The following HAUS3 variants were observed in gnomAD, a reference collection of about 807,000 sequenced individuals.
HAUS3 encodes HAUS augmin-like complex subunit 3.
In HAUS3, 36 loss-of-function variants were observed where a neutral mutation model predicts 55.2. That is an observed-to-expected ratio of 0.65 (90% CI 0.50 to 0.86). The LOEUF (loss-of-function observed/expected upper bound fraction) is 0.86. Ranked by LOEUF, HAUS3 falls within the 40% of genes least tolerant of loss-of-function variation. The pLI is 0.00. For missense variants in HAUS3, 752 were observed against 671.5 expected (o/e 1.12, Z -1.33); for synonymous variants, 234 against 238.6 (o/e 0.98, Z 0.18).
rs747058117 is a variant in HAUS3 at position 2,240,656 on chromosome 4, T to G, written c.291A>C (p.Lys97Asn). The G allele has an allele frequency of 1.2e-6, 2 of 1,613,968 alleles. No homozygotes were observed. The highest frequency in any genetic ancestry group is 1.7e-6 in the Non-Finnish European group (2 of 1,180,000). Residue 97 changes from lysine to asparagine, a missense_variant, in exon 3 of 6, where the codon AAA becomes AAC. Physicochemically the swap from Lys to Asn is moderately conservative, Grantham distance 94 (BLOSUM62 0). Transcript: ENST00000443786. ...CCTCATCCTCTAATTTCTCCAGCTC[T>G]TTATCATCCAGTCTAGGTGTCTTCA... Reference protein sequence around the residue: ...SDLKTPRLDDKELEKLEDEVQ... With the variant: ...SDLKTPRLDDNELEKLEDEVQ...
At position 2,240,480 on chromosome 4, in the gene HAUS3, T is replaced by C. The variant is rs762516482; in HGVS notation, c.467A>G (p.Asn156Ser). ...KKLKQSQGIL[N>S]AMITKISNEL... Reference sequence around the variant, plus strand: ...ATTACTGATCTTAGTGATCATTGCATTTAGAATTCCTTGACTCTGCTTCAG... The same window carrying C: ...ATTACTGATCTTAGTGATCATTGCACTTAGAATTCCTTGACTCTGCTTCAG... Residue 156 changes from asparagine (N) to serine (S), a missense_variant, in exon 3 of 6, where the codon AAT becomes AGT. Coordinates refer to ENST00000443786, the MANE Select transcript of HAUS3 (RefSeq NM_001303143.2). 5.6e-6 allele frequency: 9 copies of C among 1,613,770 alleles called. No homozygotes were observed. In the Admixed American group the frequency reaches 1.0e-4, roughly 18 times the overall value.
chr4:2,241,809 A>G lies in HAUS3; in HGVS notation c.-418-19T>C. On this transcript the variant is annotated intron_variant, in intron 1 of 5. Transcript: ENST00000443786. ...AAGCACGCTGACAAAACAAACGCAC[A>G]AGCCCACCGAATCGCCGTCGACACC... 1.0e-6 allele frequency: 1 copy of G among 985,406 alleles called. No homozygotes were observed. The highest frequency in any genetic ancestry group is 1.2e-6 in the Non-Finnish European group (1 of 829,936). 61.0% of individuals were successfully genotyped at this position (985,406 alleles called of 1,614,324 possible).
In HAUS3 at chr4:2,240,411, A is replaced by T; in HGVS notation, c.536T>A (p.Phe179Tyr). The part of the protein sequence containing the change: ...LTDEVTQLMM[F>Y]FRHSNLGQGT... ...TTGACCTAAATTAGAATGTCTGAAG[A>T]ACATCATCAATTGTGTAACTTCATC... Residue 179 changes from phenylalanine to tyrosine, a missense_variant, in exon 3 of 6, where the codon TTC (phenylalanine) becomes TAC (tyrosine). Transcript: ENST00000443786. 1 of 1,613,068 alleles carries T rather than the reference A, an allele frequency of 6.2e-7. No individual in the cohort carries two copies. The highest frequency in any genetic ancestry group is 8.5e-7 in the Non-Finnish European group (1 of 1,179,624).
At chr4:2,241,993 G>T in intron 1 of HAUS3, 58 bp downstream of exon 1, 1 of 985,564 alleles carries the variant, frequency 1.0e-6, no homozygotes, top group Non-Finnish European at 1.2e-6. Context: ...GACGGGGATC[G>T]CGGCCACTCC....
intron 5 of HAUS3, 57 bp from the exon 6 acceptor site, chr4:2,232,217 A>G (rs1443310205): frequency 5.2e-6 from 4 of 762,114 alleles, no homozygotes; most frequent in Non-Finnish European, 8.1e-6. Context: ...TACCAATTAT[A>G]AAATTAAAAT....
Position 2,232,045 on chromosome 4 carries a change from A to C in HAUS3, c.1694T>G (p.Leu565Ter). 1 of 1,543,320 alleles carries C rather than the reference A, an allele frequency of 6.5e-7. No homozygotes were observed. The highest frequency in any genetic ancestry group is 8.9e-7 in the Non-Finnish European group (1 of 1,120,616). The change falls in exon 6 of 6, where the codon TTA becomes TGA. Residue 565 changes from leucine (L) to a stop codon, truncating the protein, a stop_gained. Coordinates refer to ENST00000443786, the MANE Select transcript of HAUS3 (RefSeq NM_001303143.2). LOFTEE classifies it high-confidence loss of function. ...ATAGAATTCTCTTTCCATTTGATGT[A>C]ATTTATTATTTGCCAAAGTTTTTCT... ...TKRKTLANNK[L>*]HQMEREFYVY...
At chr4:2,241,146 A>T (rs1734972438) in intron 2 of HAUS3, 53 bp from the exon 3 acceptor site, 1 of 497,262 alleles carries the variant, frequency 2.0e-6, no homozygotes, top group Non-Finnish European at 3.5e-6. Flanking sequence ...CAGTGTTTTT[A>T]AAAAGAAGAC....
chr4:2,238,538 ACTCT>A (rs984128471), intron 4 of HAUS3, 62 bp downstream of exon 4: 118 of 1,049,710 alleles, frequency 1.1e-4, no homozygotes, highest in Non-Finnish European at 1.4e-4. Context: ...TTTAGCTCAA[ACTCT>A]CTCTAGTATT....
rs1359386542 is a variant in HAUS3, at chr4:2,236,432, C to T, written c.1374G>A (p.Glu458=). 1.9e-6 allele frequency: 3 copies of T among 1,611,952 alleles called. No individual in the cohort carries two copies. Among genetic ancestry groups the T allele is most frequent in the Non-Finnish European group, 2.5e-6 (3 of 1,178,538 alleles). ...THRLYQVLEG[E]NKKKELFLTH... ...TTAGAAACAATTCTTTTTTCTTATT[C>T]TCTCCCTCCAAAACTTGGTAAAGCC... The change falls in exon 5 of 6, where the codon GAG becomes GAA. Residue 458 remains glutamate, a synonymous_variant. Coordinates refer to ENST00000443786, the MANE Select transcript of HAUS3 (RefSeq NM_001303143.2).
At chr4:2,232,198 T>G (rs1353393958) in intron 5 of HAUS3, 38 bp from the exon 6 acceptor site, 1 of 890,646 alleles carries the variant, frequency 1.1e-6, no homozygotes, top group African/African-American at 1.8e-5. Flanking sequence ...TAAAACACTT[T>G]ATTCCTAATA....
chr4:2,234,136 G>A (rs539215587), intron 5 of HAUS3: 1 of 152,288 alleles, frequency 6.6e-6, no homozygotes, highest in East Asian at 1.9e-4. Context: ...AATCAAGACA[G>A]TATAGTTAAC....
Position 2,231,478 on chromosome 4 carries a change from A to C in HAUS3, c.*449T>G, listed in dbSNP as rs1459160969. ...GCTGGGTGTGGCGGTGTGCGCCTGT[A>C]GTCCCAGCTACTTGGGAGGCTGAGG... On this transcript the variant is annotated 3_prime_UTR_variant, in exon 6 of 6. Transcript: ENST00000443786. 1 of 154,812 alleles carries C rather than the reference A, an allele frequency of 6.5e-6. No individual in the cohort carries two copies. Among genetic ancestry groups the C allele is most frequent in the African/African-American group, 2.4e-5 (1 of 41,456 alleles). 9.6% of individuals were successfully genotyped at this position (154,812 alleles called of 1,614,324 possible). A position where few individuals can be genotyped will look rare whatever the true frequency, so the allele number is the denominator to read the frequency against.
Position 2,230,190 on chromosome 4 carries a change from G to C in HAUS3, c.*1737C>G, listed in dbSNP as rs917940202. 1 of 152,362 alleles carries C rather than the reference G, an allele frequency of 6.6e-6. No individual in the cohort carries two copies. The highest frequency in any genetic ancestry group is 2.4e-5 in the African/African-American group (1 of 41,406). The allele number at this position is 152,362 out of a possible 1,614,324, so 9.4% of individuals were successfully genotyped here. A position where few individuals can be genotyped will look rare whatever the true frequency, so the allele number is the denominator to read the frequency against. On this transcript the variant is annotated 3_prime_UTR_variant, in exon 6 of 6. Coordinates refer to ENST00000443786, the MANE Select transcript of HAUS3 (RefSeq NM_001303143.2). ...CACGCCTACAATCCCATCTACTCAG[G>C]AGGCTGAAGCAGGAGAATCACTTGA...
chr4:2,228,603 T>A lies in HAUS3; in HGVS notation c.*3324A>T, dbSNP rs367944896. The A allele has an allele frequency of 4.2e-3, 733 of 172,706 alleles. 7 individuals are homozygous for A. The highest frequency in any genetic ancestry group is 0.017 in the African/African-American group (696 of 41,662). 10.7% of individuals were successfully genotyped at this position (172,706 alleles called of 1,614,324 possible). On this transcript the variant is annotated 3_prime_UTR_variant, in exon 6 of 6. Coordinates refer to ENST00000443786, the MANE Select transcript of HAUS3 (RefSeq NM_001303143.2). Reference sequence around the variant, plus strand: ...CGCCGACCTCGGCCTCCCAAAGTGCTGGGATTACAGGCGTGAGCCACCGCA... The same window carrying A: ...CGCCGACCTCGGCCTCCCAAAGTGCAGGGATTACAGGCGTGAGCCACCGCA...
At chr4:2,239,098 CTTAAGA>C in intron 3 of HAUS3, 55 bp from the exon 4 acceptor site, 3 of 949,810 alleles carry the variant, frequency 3.2e-6, no homozygotes, top group Non-Finnish European at 4.5e-6. Context: ...TTGAAATCAT[CTTAAGA>C]TTATTTTCAC....
At position 2,238,757 on chromosome 4, in the gene HAUS3, C is replaced by G. The variant is rs150198664; in HGVS notation, c.1196G>C (p.Arg399Pro). 1.2e-6 allele frequency: 2 copies of G among 1,613,556 alleles called. No homozygotes were observed. The highest frequency in any genetic ancestry group is 1.3e-5 in the African/African-American group (1 of 74,866). ...ATTTTCAAGTTGACGATATATGTCC[C>G]GATGCTTTCTTAATTCAATTTCATA... ...LSYEIELRKH[R>P]DIYRQLENLV... Residue 399 changes from arginine (R) to proline (P), a missense_variant, in exon 4 of 6, where the codon CGG becomes CCG. Transcript: ENST00000443786.
rs1417651358 is a variant in HAUS3 at position 2,230,089 on chromosome 4, G to A, written c.*1838C>T. The stretch of plus-strand genomic sequence containing the variant: ...GCGGGTAGATCACTTGAGGTCAGGA[G>A]TTTGAGACCAGCCTGACCAACATGG... On this transcript the variant is annotated 3_prime_UTR_variant, in exon 6 of 6. Transcript: ENST00000443786. 6.6e-6 allele frequency: 1 copy of A among 152,558 alleles called. No individual in the cohort carries two copies. Among genetic ancestry groups the A allele is most frequent in the Non-Finnish European group, 1.5e-5 (1 of 68,390 alleles). The allele number at this position is 152,558 out of a possible 1,614,324, so 9.5% of individuals were successfully genotyped here. A position where few individuals can be genotyped will look rare whatever the true frequency, so the allele number is the denominator to read the frequency against.
Position 2,229,198 on chromosome 4 carries a change from G to C in HAUS3, c.*2729C>G, listed in dbSNP as rs1280046501. The C allele has an allele frequency of 6.2e-7, 1 of 1,606,986 alleles. No homozygotes were observed. Among genetic ancestry groups the C allele is most frequent in the Non-Finnish European group, 8.5e-7 (1 of 1,176,344 alleles). ...ACACTGGAGAGCGGTGTATTACAGA[G>C]ATCAAAGCCTACCAATGCCTCATAA... On this transcript the variant is annotated 3_prime_UTR_variant, in exon 6 of 6. Coordinates refer to ENST00000443786, the MANE Select transcript of HAUS3 (RefSeq NM_001303143.2).
chr4:2,240,947 G>A lies in HAUS3; in HGVS notation c.-1C>T, dbSNP rs1560107548. ...CCACAAACTCATTTCCACAACTCAT[G>A]GTTTTAACTACCCCAATTTTGTTGT... On this transcript the variant is annotated 5_prime_UTR_variant, in exon 3 of 6. Transcript: ENST00000443786. The A allele has an allele frequency of 1.3e-6, 2 of 1,583,508 alleles. No individual in the cohort carries two copies. The highest frequency in any genetic ancestry group is 1.7e-6 in the Non-Finnish European group (2 of 1,175,002).
Sources: allele counts gnomAD v4.1 joint callset, GRCh38; gene constraint gnomAD v4.1.1; transcripts MANE v1.5; gene names NCBI Gene and HGNC (gene_info 2026-07-23, HGNC 2026-07-21).